ATF2: variants seen among roughly 807,000 people sequenced by gnomAD.
The protein encoded by ATF2 is activating transcription factor 2, also known as cyclic AMP-dependent transcription factor ATF-2.
A neutral mutation model predicts 60.6 loss-of-function variants in ATF2; 24 were observed. That is an observed-to-expected ratio of 0.40 (90% CI 0.29 to 0.56). The LOEUF (loss-of-function observed/expected upper bound fraction) is 0.56. ATF2 is among the 20% of genes least tolerant of loss of function. The pLI, the probability that ATF2 is intolerant of heterozygous loss-of-function variation, is 0.54. For missense variants in ATF2, 433 were observed against 607.7 expected (o/e 0.71, Z 3.02); for synonymous variants, 206 against 215.4 (o/e 0.96, Z 0.38).
intron 1 of ATF2, among the ~76,000 whole-genome samples, chr2:175,163,063 G>C (rs1700120198): frequency 6.6e-6 from 1 of 152,090 alleles, no homozygotes; most frequent in Admixed American, 6.5e-5. Flanking sequence ...GAACCTGGGA[G>C]GCGGAGCTTG....
chr2:175,109,701 A>G (rs1353900070), intron 10 of ATF2, among the ~76,000 whole-genome samples: 1 of 152,238 alleles, frequency 6.6e-6, no homozygotes, highest in Non-Finnish European at 1.5e-5. Flanking sequence ...TAATATCTAT[A>G]TCTGCTCTAT....
intron 1 of ATF2, among the ~76,000 whole-genome samples, chr2:175,161,787 G>A (rs1031017447): frequency 2.1e-5 from 3 of 144,688 alleles, no homozygotes; most frequent in Non-Finnish European, 4.5e-5. Flanking sequence ...TTGAGACACC[G>A]TCTCGCTCTG....
intron 7 of ATF2, among the ~76,000 whole-genome samples, chr2:175,115,788 T>C (rs1182259191): frequency 6.6e-6 from 1 of 152,152 alleles, no homozygotes; most frequent in Non-Finnish European, 1.5e-5. Context: ...TTGTAGTAAA[T>C]GTTAAGTGTT....
intron 10 of ATF2, among the ~76,000 whole-genome samples, chr2:175,110,498 C>A (rs1388227246): frequency 6.6e-6 from 1 of 152,002 alleles, no homozygotes; most frequent in African/African-American, 2.4e-5. Flanking sequence ...CTGTTGTTAG[C>A]CCTATTATGA....
intron 1 of ATF2, among the ~76,000 whole-genome samples, chr2:175,163,918 C>CAAAAAAAAAA (rs1176905315): frequency 0.063 from 1,887 of 30,056 alleles, 277 homozygotes; most frequent in East Asian, 0.16. Context: ...AACTCCGTCT[C>CAAAAAAAAAA]AAAAAAAAAA....
At chr2:175,140,301 C>T (rs568762158) in intron 2 of ATF2, among the ~76,000 whole-genome samples, 1 of 152,066 alleles carries the variant, frequency 6.6e-6, no homozygotes, top group Non-Finnish European at 1.5e-5. Context: ...CATTCTTAAG[C>T]GAATAAAGAG....
At chr2:175,125,539 A>G (rs1697272182) in intron 4 of ATF2, among the ~76,000 whole-genome samples, 1 of 152,148 alleles carries the variant, frequency 6.6e-6, no homozygotes, top group Admixed American at 6.5e-5. Flanking sequence ...TTGGCAAAAT[A>G]CACGAAGAAA....
intron 9 of ATF2, 103 bp downstream of exon 9, chr2:175,113,891 T>A: frequency 1.0e-6 from 1 of 957,486 alleles, no homozygotes; most frequent in South Asian, 1.4e-5. Flanking sequence ...CTAATCAATA[T>A]TATGTTAAAT....
rs1006008264 is a variant in ATF2 at position 175,073,795 on chromosome 2, C to T, written c.*814G>A. 1.3e-5 allele frequency: 2 copies of T among 151,968 alleles called. No homozygotes were observed. Among genetic ancestry groups the T allele is most frequent in the African/African-American group, 4.8e-5 (2 of 41,374 alleles). 9.4% of individuals were successfully genotyped at this position (151,968 alleles called of 1,614,324 possible). On this transcript the variant is annotated 3_prime_UTR_variant, in exon 14 of 14. Coordinates refer to ENST00000264110, the MANE Select transcript of ATF2 (RefSeq NM_001880.4). The stretch of plus-strand genomic sequence containing the variant: ...ACAACAAAAAAACCAAAAACAAGAG[C>T]TAATTTCAAAAATTATTAGATATTT...
chr2:175,127,630 T>C (rs148149749), intron 4 of ATF2, among the ~76,000 whole-genome samples: 38 of 152,352 alleles, frequency 2.5e-4, no homozygotes, highest in African/African-American at 5.3e-4. Context: ...TTGGTCATTA[T>C]ATGCTCCAGC....
At position 175,130,215 on chromosome 2, in the gene ATF2, C is replaced by A; in HGVS notation, c.33-8G>T. 1 of 1,536,868 alleles carries A rather than the reference C, an allele frequency of 6.5e-7. No individual in the cohort carries two copies. Among genetic ancestry groups the A allele is most frequent in the South Asian group, 1.3e-5 (1 of 75,636 alleles). ...CACAGGTCCTTGTATTGCCTATAAT[C>A]AAACAGAAGACACTTTAGAGTACAT... On this transcript the variant is annotated splice_polypyrimidine_tract_variant and splice_region_variant and intron_variant, in intron 3 of 13. Coordinates refer to ENST00000264110, the MANE Select transcript of ATF2 (RefSeq NM_001880.4).
At chr2:175,110,577 A>T (rs1273355233) in intron 10 of ATF2, among the ~76,000 whole-genome samples, 1 of 152,156 alleles carries the variant, frequency 6.6e-6, no homozygotes, top group African/African-American at 2.4e-5. Flanking sequence ...ATTATAACAC[A>T]GCAAGGAGAA....
chr2:175,125,043 G>A (rs1242565274), intron 4 of ATF2, among the ~76,000 whole-genome samples: 1 of 152,016 alleles, frequency 6.6e-6, no homozygotes, highest in African/African-American at 2.4e-5. Flanking sequence ...TCTCTCTGAA[G>A]TTGTATTGTC....
rs377081458 is a variant in ATF2, at chr2:175,167,660, C to A, written c.-143+390G>T. On this transcript the variant is annotated intron_variant, in intron 1 of 13. Coordinates refer to ENST00000264110, the MANE Select transcript of ATF2 (RefSeq NM_001880.4). Reference sequence around the variant, plus strand: ...TGTGGGTGGGAGAGGTCTCCCTGCGCACACGGCTGACTCGACGCGCGCCCC... The same window carrying A: ...TGTGGGTGGGAGAGGTCTCCCTGCGAACACGGCTGACTCGACGCGCGCCCC... 1.3e-4 allele frequency: 68 copies of A among 506,238 alleles called. 1 individual carries two copies. Among genetic ancestry groups the A allele is most frequent in the African/African-American group, 1.2e-3 (61 of 51,386 alleles). The allele number at this position is 506,238 out of a possible 1,614,324, so 31.4% of individuals were successfully genotyped here. A position where few individuals can be genotyped will look rare whatever the true frequency, so the allele number is the denominator to read the frequency against.
At chr2:175,141,753 G>A (rs1346012436) in intron 2 of ATF2, among the ~76,000 whole-genome samples, 12 of 151,804 alleles carry the variant, frequency 7.9e-5, no homozygotes, top group Non-Finnish European at 1.6e-4. Context: ...TTGGCCTCCC[G>A]AAGTGCTGGG....
chr2:175,110,334 C>CAAAAAATAAATAAATA (rs1696089704), intron 10 of ATF2, among the ~76,000 whole-genome samples: 1 of 98,934 alleles, frequency 1.0e-5, no homozygotes, highest in African/African-American at 5.9e-5. Context: ...GACTCCATCT[C>CAAAAAATAAATAAATA]AAAAAATAAA....
In ATF2 at chr2:175,111,592, T is replaced by C. The variant is rs752358963; in HGVS notation, c.804A>G (p.Gln268=). The C allele has an allele frequency of 8.1e-6, 13 of 1,613,636 alleles. No individual in the cohort carries two copies. The highest frequency in any genetic ancestry group is 2.2e-5 in the South Asian group (2 of 91,070). Residue 268 remains glutamine, a synonymous_variant, in exon 10 of 14, where the codon CAA becomes CAG. Coordinates refer to ENST00000264110, the MANE Select transcript of ATF2 (RefSeq NM_001880.4). ...CCATTTTTGCTTCTGACTGTACTGG[T>C]TGGGGAGAGGAAGGACCTGGGATTC... is the stretch of plus-strand genomic sequence containing the variant. The part of the protein sequence containing the change: ...VPGIPGPSSP[Q]PVQSEAKMRL...
intron 1 of ATF2, among the ~76,000 whole-genome samples, chr2:175,161,145 G>A (rs1259379945): frequency 1.3e-5 from 2 of 152,184 alleles, no homozygotes; most frequent in Non-Finnish European, 2.9e-5. Context: ...AAATGTCTGA[G>A]AAGGGGTACA....
In ATF2 at chr2:175,118,134, T is replaced by G. The variant is rs373091630; in HGVS notation, c.319-16A>C. 5.6e-6 allele frequency: 9 copies of G among 1,606,464 alleles called. No individual in the cohort carries two copies. The African/African-American group carries it at 9.4e-5, about 17-fold the overall frequency. The stretch of plus-strand genomic sequence containing the variant: ...CTAGAGGCATCTATAATTCAAATAA[T>G]AAGGAAAAGGTTATAAGTTCAAAAA... On this transcript the variant is annotated splice_polypyrimidine_tract_variant and intron_variant, in intron 6 of 13. Coordinates refer to ENST00000264110, the MANE Select transcript of ATF2 (RefSeq NM_001880.4).
Sources: allele counts gnomAD v4.1 joint callset (sites outside exome capture counted in the v4.1 genomes callset), GRCh38; gene constraint gnomAD v4.1.1; transcripts MANE v1.5; gene names NCBI Gene and HGNC (gene_info 2026-07-23, HGNC 2026-07-21).